Variants in RGS6 observed in about 807,000 individuals in gnomAD.
The protein encoded by RGS6 is regulator of G protein signaling 6, also known as regulator of G-protein signaling 6.
A neutral mutation model predicts 78.5 loss-of-function variants in RGS6; 30 were observed. The observed-to-expected ratio is 0.38, with a 90% CI of 0.29 to 0.52. The LOEUF (loss-of-function observed/expected upper bound fraction) is 0.52. Among genes scored for constraint, RGS6 ranks in the 20% least tolerant of loss-of-function variants. The pLI is 0.85. For missense variants in RGS6, 495 were observed against 609.7 expected, an observed-to-expected ratio of 0.81 and a Z score of 1.98; for synonymous variants, 206 against 206.0, an observed-to-expected ratio of 1.00 and a Z score of 0.00.
intron 2 of RGS6, among the ~76,000 whole-genome samples, chr14:71,981,598 GGGGGTCA>G (rs1306040022): frequency 9.9e-5 from 15 of 151,946 alleles, no homozygotes; most frequent in African/African-American, 3.6e-4. Context: ...TAGGCTGCTC[GGGGGTCA>G]GGGGTCAGGG....
chr14:72,013,362 A>G (rs1465279255), intron 2 of RGS6, among the ~76,000 whole-genome samples: 1 of 11,118 alleles, frequency 9.0e-5, no homozygotes, highest in African/African-American at 1.4e-4. Flanking sequence ...TAATGACTCC[A>G]TTTTCCATTT....
intron 2 of RGS6, among the ~76,000 whole-genome samples, chr14:71,983,141 G>T (rs2153138627): frequency 6.6e-6 from 1 of 152,278 alleles, no homozygotes; most frequent in African/African-American, 2.4e-5. Context: ...CTGGGCATCT[G>T]GATGTCCAGT....
At chr14:71,891,858 T>C in the RGS6 span, among the ~76,000 whole-genome samples, 3 of 152,120 alleles carry the variant, frequency 2.0e-5, no homozygotes, top group African/African-American at 7.2e-5. Context: ...CTTTTCTTTC[T>C]ATCTGCTTGG....
chr14:72,198,610 G>A (rs4902997), intron 2 of RGS6, among the ~76,000 whole-genome samples: 150,369 of 152,322 alleles, frequency 0.99, 74,227 homozygotes, highest in East Asian at 1. Context: ...TTTTTGGTTC[G>A]TAAAACTAGA....
intron 2 of RGS6, among the ~76,000 whole-genome samples, chr14:72,181,153 T>C (rs1340018850): frequency 6.6e-6 from 1 of 152,238 alleles, no homozygotes; most frequent in African/African-American, 2.4e-5. Flanking sequence ...TTTGTCCCCA[T>C]TTAATTATAA....
chr14:72,584,962 A>C, the RGS6 span, among the ~76,000 whole-genome samples: 1 of 152,206 alleles, frequency 6.6e-6, no homozygotes, highest in Non-Finnish European at 1.5e-5. Context: ...TAGAGGCCAT[A>C]ATAACCCAAT....
rs867897992 is a variant in RGS6 at position 72,182,435 on chromosome 14, A to G, written c.85-169660A>G. Among the ~76,000 whole-genome samples, 747 of 139,532 alleles carry G rather than the reference A, an allele frequency of 5.4e-3. 7 individuals are homozygous for G. The highest frequency in any genetic ancestry group is 0.019 in the African/African-American group (715 of 37,732). 91.5% of individuals were successfully genotyped at this position (139,532 alleles called of 152,430 possible). A position where few individuals can be genotyped will look rare whatever the true frequency, so the allele number is the denominator to read the frequency against. Reference sequence around the variant, plus strand: ...CCATCTCAAAAAAAAAAAAAAAAAAAGCAAGCAAGAAAGTAAGAAAGAATA... The same window carrying G: ...CCATCTCAAAAAAAAAAAAAAAAAAGGCAAGCAAGAAAGTAAGAAAGAATA... On this transcript the variant is annotated intron_variant, in intron 2 of 17. Transcript: ENST00000553525.
At chr14:72,000,389 T>G (rs1595891324) in intron 2 of RGS6, among the ~76,000 whole-genome samples, 1 of 152,058 alleles carries the variant, frequency 6.6e-6, no homozygotes, top group African/African-American at 2.4e-5. Flanking sequence ...GCTTGTTTTG[T>G]GGGTAAAGTA....
intron 2 of RGS6, among the ~76,000 whole-genome samples, chr14:72,344,781 G>A (rs2077686430): frequency 6.6e-6 from 1 of 152,198 alleles, no homozygotes; most frequent in Admixed American, 6.5e-5. Flanking sequence ...TAAGCACTGG[G>A]ACACCATGGA....
At chr14:72,054,669 A>G (rs1418492802) in intron 2 of RGS6, among the ~76,000 whole-genome samples, 1 of 152,204 alleles carries the variant, frequency 6.6e-6, no homozygotes, top group East Asian at 1.9e-4. Flanking sequence ...AAGAATCAGA[A>G]CATTATTCTT....
chr14:71,886,171 G>T, the RGS6 span, among the ~76,000 whole-genome samples: 1 of 152,322 alleles, frequency 6.6e-6, no homozygotes, highest in African/African-American at 2.4e-5. Flanking sequence ...GTTGAGGCCT[G>T]TTGATATGAT....
In RGS6 at chr14:72,048,117, C is replaced by T. The variant is rs567397116; in HGVS notation, c.84+83242C>T. Among the ~76,000 whole-genome samples, 3 of 152,150 alleles carry T rather than the reference C, an allele frequency of 2.0e-5. No individual in the cohort carries two copies. The South Asian group carries it at 6.2e-4, about 32-fold the overall frequency. On this transcript the variant is annotated intron_variant, in intron 2 of 17. Transcript: ENST00000553525. ...AACGGAACAAGAGAGACTGCGGATT[C>T]AGACGTTTCCTATGCAGTTATACTT...
At chr14:72,047,274 C>T (rs1275021012) in intron 2 of RGS6, among the ~76,000 whole-genome samples, 1 of 152,122 alleles carries the variant, frequency 6.6e-6, no homozygotes, top group Non-Finnish European at 1.5e-5. Context: ...AATGTTGTTT[C>T]TGGAAAGAAT....
chr14:72,216,196 G>A (rs17180056), intron 2 of RGS6, among the ~76,000 whole-genome samples: 12,888 of 152,260 alleles, frequency 0.085, 836 homozygotes, highest in Non-Finnish European at 0.13. Context: ...CATGGAGGTA[G>A]CTAGTTTGTT....
intron 15 of RGS6, among the ~76,000 whole-genome samples, chr14:72,535,443 A>G (rs1176177773): frequency 6.6e-6 from 1 of 152,238 alleles, no homozygotes; most frequent in African/African-American, 2.4e-5. Context: ...TATAAGAAAT[A>G]CTGTGCTGTT....
chr14:72,122,386 A>G (rs1049171793), intron 2 of RGS6, among the ~76,000 whole-genome samples: 3 of 152,156 alleles, frequency 2.0e-5, no homozygotes, highest in Admixed American at 1.3e-4. Flanking sequence ...ACTGATATCT[A>G]CTGCTTAGAA....
At chr14:72,051,202 A>G (rs970397832) in intron 2 of RGS6, among the ~76,000 whole-genome samples, 4 of 152,190 alleles carry the variant, frequency 2.6e-5, no homozygotes, top group Non-Finnish European at 4.4e-5. Context: ...TTTCAAGGAG[A>G]GCACTTGAAC....
intron 2 of RGS6, among the ~76,000 whole-genome samples, chr14:72,011,919 T>C (rs2085836054): frequency 6.6e-6 from 1 of 152,230 alleles, no homozygotes; most frequent in African/African-American, 2.4e-5. Flanking sequence ...GAAAATAAGA[T>C]ATTAGAAGTT....
At chr14:72,075,897 G>A (rs1212781615) in intron 2 of RGS6, among the ~76,000 whole-genome samples, 1 of 152,208 alleles carries the variant, frequency 6.6e-6, no homozygotes, top group Non-Finnish European at 1.5e-5. Context: ...TCTGACCAAA[G>A]TCCGTGGGAA....
Sources: allele counts gnomAD v4.1 joint callset (sites outside exome capture counted in the v4.1 genomes callset), GRCh38; gene constraint gnomAD v4.1.1; transcripts MANE v1.5; gene names NCBI Gene and HGNC (gene_info 2026-07-23, HGNC 2026-07-21).